Variants in TMEM91 observed in about 807,000 individuals in gnomAD.
TMEM91 encodes transmembrane protein 91.
In TMEM91, 6 loss-of-function variants were observed where a neutral mutation model predicts 13.3. The observed-to-expected ratio is 0.45, with a 90% CI of 0.25 to 0.89. The LOEUF is 0.89. Ranked by LOEUF, TMEM91 falls within the 40% of genes least tolerant of loss-of-function variation. The pLI is 0.19. For synonymous variants in TMEM91, 87 were observed against 101.7 expected, an observed-to-expected ratio of 0.86 and a Z score of 0.87; for missense variants, 193 against 228.7, an observed-to-expected ratio of 0.84 and a Z score of 1.01.
chr19:41,382,993 A>G (rs763822954), intron 3 of TMEM91, 72 bp downstream of exon 3: 10 of 1,571,342 alleles, frequency 6.4e-6, no homozygotes, highest in South Asian at 5.8e-5. Context: ...ACAAAGAGCC[A>G]TATACCTGAG....
Position 41,378,397 on chromosome 19 carries a change from G to C in TMEM91, c.88G>C (p.Glu30Gln), listed in dbSNP as rs751821859. 1 of 1,614,216 alleles carries C rather than the reference G, an allele frequency of 6.2e-7. No homozygotes were observed. Among genetic ancestry groups the C allele is most frequent in the Non-Finnish European group, 8.5e-7 (1 of 1,180,034 alleles). Residue 30 changes from glutamate to glutamine, a missense_variant, in exon 2 of 4, where the codon GAG (glutamate) becomes CAG (glutamine). By Grantham distance (29) the Glu-to-Gln change is conservative (BLOSUM62 2). Coordinates refer to ENST00000392002, the MANE Select transcript of TMEM91 (RefSeq NM_001098821.2). The part of the protein sequence containing the change: ...ETPAQKPGRH[E>Q]LGSPLREIAF... ...CCCTGCCCAGAAGCCTGGCAGGCAT[G>C]AGCTGGGGTCCCCCTTAAGAGAGAT...
intron 1 of TMEM91, among the ~76,000 whole-genome samples, chr19:41,371,354 C>CTTCCTTCCTTCCTTCCTTCT (rs2038616311): frequency 6.8e-6 from 1 of 146,888 alleles, no homozygotes. Context: ...TCCTTCCTTC[C>CTTCCTTCCTTCCTTCCTTCT]TTCCTTCCTT....
intron 2 of TMEM91, among the ~76,000 whole-genome samples, chr19:41,381,850 G>T (rs977907004): frequency 4.6e-5 from 7 of 151,738 alleles, no homozygotes; most frequent in African/African-American, 1.7e-4. Context: ...TGTTTCAGTG[G>T]TGTTTGTCCC....
chr19:41,367,939 A>T (rs759663530), intron 1 of TMEM91, among the ~76,000 whole-genome samples: 21 of 152,016 alleles, frequency 1.4e-4, no homozygotes, highest in Non-Finnish European at 1.8e-4. Context: ...GCCTAGGAGT[A>T]ATGTTCTGAG....
intron 3 of TMEM91, chr19:41,383,392 G>A: frequency 1.2e-6 from 1 of 825,076 alleles, no homozygotes; most frequent in South Asian, 3.6e-5. Flanking sequence ...ACTTCCCTGT[G>A]CCTCACTTTC....
intron 1 of TMEM91, among the ~76,000 whole-genome samples, chr19:41,377,875 G>T (rs1276146177): frequency 6.6e-6 from 1 of 151,730 alleles, no homozygotes; most frequent in East Asian, 1.9e-4. Context: ...AAATTAGCCG[G>T]GCATGGTGGT....
At chr19:41,365,915 T>G (rs2038517504) in intron 1 of TMEM91, among the ~76,000 whole-genome samples, 1 of 151,356 alleles carries the variant, frequency 6.6e-6, no homozygotes, top group African/African-American at 2.4e-5. Flanking sequence ...TCCACCATGT[T>G]GGTCAGGCTG....
chr19:41,375,117 C>T (rs1296043245), upstream of TMEM91, among the ~76,000 whole-genome samples: 1 of 152,026 alleles, frequency 6.6e-6, no homozygotes, highest in African/African-American at 2.4e-5. Flanking sequence ...CCTTCTTTCC[C>T]TAGAAACTCC....
chr19:41,364,578 G>A (rs993837833), intron 1 of TMEM91, among the ~76,000 whole-genome samples: 1 of 152,002 alleles, frequency 6.6e-6, no homozygotes, highest in African/African-American at 2.4e-5. Context: ...TCAGAGAGTG[G>A]AGAAGTTGGG....
intron 1 of TMEM91, 129 bp from the exon 2 acceptor site, chr19:41,378,152 G>A (rs1325152297): frequency 1.4e-5 from 9 of 658,232 alleles, no homozygotes; most frequent in Non-Finnish European, 2.1e-5. Context: ...CTCAGCTTCT[G>A]TATCTGTAAA....
chr19:41,382,832 C>T lies in TMEM91; in HGVS notation c.271C>T (p.Leu91=). Residue 91 remains leucine, a synonymous_variant, in exon 3 of 4, where the codon CTA becomes TTA. Coordinates refer to ENST00000392002, the MANE Select transcript of TMEM91 (RefSeq NM_001098821.2). The part of the protein sequence containing the change: ...WDGGSRLSPF[L]PHDHLGLAVF... ...TGGAGGCAGCCGTCTTTCACCATTT[C>T]TACCCCACGACCACCTCGGCTTGGC... 1 of 1,614,224 alleles carries T rather than the reference C, an allele frequency of 6.2e-7. No individual in the cohort carries two copies. The highest frequency in any genetic ancestry group is 8.5e-7 in the Non-Finnish European group (1 of 1,180,034).
At chr19:41,366,686 T>A (rs1568488068) in intron 1 of TMEM91, among the ~76,000 whole-genome samples, 1 of 151,308 alleles carries the variant, frequency 6.6e-6, no homozygotes, top group Non-Finnish European at 1.5e-5. Context: ...CTCAAACTCC[T>A]GACCTCAGGT....
chr19:41,370,229 C>T (rs1655826989), intron 1 of TMEM91, among the ~76,000 whole-genome samples: 1 of 151,930 alleles, frequency 6.6e-6, no homozygotes, highest in South Asian at 2.1e-4. Context: ...AGGCATGCAC[C>T]ACCATGCCTG....
At chr19:41,381,076 C>CAA (rs1166323642) in intron 2 of TMEM91, among the ~76,000 whole-genome samples, 668 of 52,520 alleles carry the variant, frequency 0.013, 33 homozygotes, top group African/African-American at 0.026. Context: ...GACTCTGTCT[C>CAA]AAAAAAAAAA....
chr19:41,372,093 G>A (rs2038633934), upstream of TMEM91, among the ~76,000 whole-genome samples: 1 of 151,800 alleles, frequency 6.6e-6, no homozygotes, highest in Non-Finnish European at 1.5e-5. Flanking sequence ...AGCACTTTGG[G>A]AGGCTGAGGC....
In TMEM91 at chr19:41,383,815, C is replaced by G; in HGVS notation, c.461C>G (p.Thr154Arg). The change falls in exon 4 of 4, where the codon ACG becomes AGG. Residue 154 changes from threonine (T) to arginine (R), a missense_variant. Physicochemically the swap from Thr to Arg is moderately conservative, Grantham distance 71 (BLOSUM62 -1). Coordinates refer to ENST00000392002, the MANE Select transcript of TMEM91 (RefSeq NM_001098821.2). ...CTCGCCGTCGGGCTGGGCGTGTGCACGTATGCGGCTGCCCTGGTGACCCTG... is the reference window on the plus strand; with the variant it reads ...CTCGCCGTCGGGCTGGGCGTGTGCAGGTATGCGGCTGCCCTGGTGACCCTG... ...GVLAVGLGVC[T>R]YAAALVTLAA... is the part of the protein sequence containing the mutation. 1 of 1,610,898 alleles carries G rather than the reference C, an allele frequency of 6.2e-7. No homozygotes were observed. Among genetic ancestry groups the G allele is most frequent in the Non-Finnish European group, 8.5e-7 (1 of 1,178,474 alleles).
In TMEM91 at chr19:41,379,574, AGAGG is replaced by A. The variant is rs201365405; in HGVS notation, c.210+1068_210+1071del. Among the ~76,000 whole-genome samples the A allele has an allele frequency of 8.4e-3, 1,247 of 149,028 alleles. 17 individuals carry two copies. Among genetic ancestry groups the A allele is most frequent in the Middle Eastern group, 0.017 (5 of 292 alleles). ...GGGAGAGAGAGAGAGAGAGAAAGAG[AGAGG>A]GAGGGAGGGAGGAAGGAAAGAAAGA... On this transcript the variant is annotated intron_variant, in intron 2 of 3. Coordinates refer to ENST00000392002, the MANE Select transcript of TMEM91 (RefSeq NM_001098821.2).
intron 1 of TMEM91, among the ~76,000 whole-genome samples, chr19:41,366,367 C>G (rs2038528000): frequency 6.6e-6 from 1 of 152,082 alleles, no homozygotes; most frequent in South Asian, 2.1e-4. Context: ...AATCCCACTT[C>G]TCACCTCTTT....
At chr19:41,372,627 A>G (rs2038642494), upstream of TMEM91, among the ~76,000 whole-genome samples, 1 of 151,986 alleles carries the variant, frequency 6.6e-6, no homozygotes, top group Non-Finnish European at 1.5e-5. Context: ...GTTTCTTATT[A>G]TTAGATTTAA....
Sources: gnomAD v4.1 joint callset for allele counts (sites outside exome capture counted in the v4.1 genomes callset) on GRCh38, gnomAD v4.1.1 for gene constraint, MANE v1.5 for transcripts, NCBI Gene and HGNC (gene_info 2026-07-23, HGNC 2026-07-21) for gene names.